The following FILIP1 variants were observed in gnomAD, a reference collection of about 807,000 sequenced individuals.
The protein encoded by FILIP1 is filamin A interacting protein 1, also known as filamin-A-interacting protein 1.
In FILIP1, 61 loss-of-function variants were observed where a neutral mutation model predicts 102.1. The observed-to-expected ratio is 0.60, with a 90% CI of 0.49 to 0.74. The LOEUF (loss-of-function observed/expected upper bound fraction) is 0.74, where lower values mean the gene tolerates loss of function less well. FILIP1 is among the 30% of genes least tolerant of loss of function. The pLI is 0.00. For synonymous variants in FILIP1, 491 were observed against 526.9 expected, an observed-to-expected ratio of 0.93 and a Z score of 0.93; for missense variants, 1,314 against 1,441.2, an observed-to-expected ratio of 0.91 and a Z score of 1.43.
chr6:75,479,784 G>A (rs570028272), intron 1 of FILIP1, among the ~76,000 whole-genome samples: 40 of 134,696 alleles, frequency 3.0e-4, no homozygotes, highest in Non-Finnish European at 2.6e-4. Context: ...CATGAGAATC[G>A]CTTGAATCCA....
At chr6:75,354,328 G>A (rs1047700633) in intron 3 of FILIP1, among the ~76,000 whole-genome samples, 5 of 152,084 alleles carry the variant, frequency 3.3e-5, no homozygotes, top group African/African-American at 4.8e-5. Context: ...ATCCCAGCAC[G>A]TGGGGAGGCT....
At chr6:75,367,203 A>T (rs1188230489) in intron 2 of FILIP1, 1 of 152,212 alleles carries the variant, frequency 6.6e-6, no homozygotes, top group Non-Finnish European at 1.5e-5. Context: ...ACATATACTA[A>T]ATATTTCATC....
rs1052507040 is a variant in FILIP1 at position 75,315,314 on chromosome 6, A to G, written c.630-112T>C. 51 of 653,052 alleles carry G rather than the reference A, an allele frequency of 7.8e-5. No homozygotes were observed. The African/African-American group carries it at 9.5e-4, about 12-fold the overall frequency. 40.5% of individuals were successfully genotyped at this position (653,052 alleles called of 1,614,324 possible). A position where few individuals can be genotyped will look rare whatever the true frequency, so the allele number is the denominator to read the frequency against. ...TACAATAAATCCCTTATCAATTGCT[A>G]TAATTTCAATGTTTAAAGAATAGCC... On this transcript the variant is annotated intron_variant, in intron 4 of 5. Coordinates refer to ENST00000237172, the MANE Select transcript of FILIP1 (RefSeq NM_015687.5).
At chr6:75,428,116 C>T (rs1476002457) in intron 1 of FILIP1, among the ~76,000 whole-genome samples, 1 of 152,158 alleles carries the variant, frequency 6.6e-6, no homozygotes, top group Non-Finnish European at 1.5e-5. Context: ...CCTCTTCCCT[C>T]TCAACATACT....
intron 2 of FILIP1, among the ~76,000 whole-genome samples, chr6:75,375,573 C>T (rs906166473): frequency 6.6e-6 from 1 of 152,084 alleles, no homozygotes; most frequent in Non-Finnish European, 1.5e-5. Flanking sequence ...TCTCACCAAG[C>T]GGGAGGGTGC....
At chr6:75,402,891 C>G (rs1335596781) in intron 2 of FILIP1, among the ~76,000 whole-genome samples, 2 of 152,074 alleles carry the variant, frequency 1.3e-5, no homozygotes, top group African/African-American at 4.8e-5. Context: ...AAATATTAAT[C>G]TTATGACTGT....
intron 2 of FILIP1, among the ~76,000 whole-genome samples, chr6:75,402,794 T>C (rs764194066): frequency 6.6e-6 from 1 of 152,176 alleles, no homozygotes; most frequent in Non-Finnish European, 1.5e-5. Flanking sequence ...ATTGTAAATA[T>C]TTATGACCAT....
chr6:75,335,484 T>C (rs1774211741), intron 4 of FILIP1, among the ~76,000 whole-genome samples: 1 of 116,722 alleles, frequency 8.6e-6, no homozygotes, highest in Non-Finnish European at 1.8e-5. Flanking sequence ...TTTTTTCCCA[T>C]TGTTTCTTCC....
intron 1 of FILIP1, among the ~76,000 whole-genome samples, chr6:75,425,767 T>C (rs1336462822): frequency 1.3e-5 from 2 of 152,188 alleles, no homozygotes; most frequent in East Asian, 3.8e-4. Flanking sequence ...TGTGTATGTA[T>C]GTGAAATCAT....
At chr6:75,380,214 A>AG (rs1382379251) in intron 2 of FILIP1, among the ~76,000 whole-genome samples, 1 of 151,764 alleles carries the variant, frequency 6.6e-6, no homozygotes, top group Non-Finnish European at 1.5e-5. Flanking sequence ...AGGCAAAAAA[A>AG]AAGAAAGGAA....
chr6:75,403,905 A>G (rs961536845), intron 2 of FILIP1, among the ~76,000 whole-genome samples: 10 of 152,272 alleles, frequency 6.6e-5, no homozygotes, highest in South Asian at 2.1e-4. Flanking sequence ...CTAGTCCCCA[A>G]TGCTCATATT....
chr6:75,375,614 A>G (rs564585327), intron 2 of FILIP1, among the ~76,000 whole-genome samples: 16 of 152,240 alleles, frequency 1.1e-4, no homozygotes, highest in Admixed American at 4.6e-4. Context: ...ATAGCTTTAT[A>G]AAGTCTTTGA....
chr6:75,379,778 TAGG>T (rs1775850563), intron 2 of FILIP1, among the ~76,000 whole-genome samples: 1 of 152,216 alleles, frequency 6.6e-6, no homozygotes, highest in Non-Finnish European at 1.5e-5. Context: ...CCATCTTCTT[TAGG>T]TCTTTATTTA....
intron 2 of FILIP1, among the ~76,000 whole-genome samples, chr6:75,397,709 C>T (rs919208254): frequency 3.3e-5 from 5 of 152,076 alleles, no homozygotes; most frequent in African/African-American, 1.2e-4. Flanking sequence ...TCAAGGATCA[C>T]TCACTTTCAT....
At chr6:75,309,809 T>C (rs911795971) in intron 5 of FILIP1, among the ~76,000 whole-genome samples, 2 of 152,230 alleles carry the variant, frequency 1.3e-5, no homozygotes, top group Non-Finnish European at 2.9e-5. Flanking sequence ...TCGTTATGAT[T>C]CTGTCTTCAC....
chr6:75,467,074 T>C (rs1314402842), intron 1 of FILIP1, among the ~76,000 whole-genome samples: 1 of 152,244 alleles, frequency 6.6e-6, no homozygotes, highest in Non-Finnish European at 1.5e-5. Context: ...TTTAGAATTA[T>C]TGTTGTCAAC....
rs1210491020 is a variant in FILIP1 at position 75,314,105 on chromosome 6, A to G, written c.1727T>C (p.Ile576Thr). The G allele has an allele frequency of 2.7e-6, 4 of 1,508,404 alleles. No homozygotes were observed. Among genetic ancestry groups the G allele is most frequent in the Non-Finnish European group, 3.5e-6 (4 of 1,137,322 alleles). The allele number at this position is 1,508,404 out of a possible 1,614,324, so 93.4% of individuals were successfully genotyped here. Residue 576 changes from isoleucine to threonine, a missense_variant, in exon 5 of 6, where the codon ATA becomes ACA. Ile to Thr is a moderately conservative substitution (Grantham distance 89, BLOSUM62 -1). Around this residue, in one of 3 missense-constraint regions of FILIP1, gnomAD observed 816 missense variants for 913.1 expected, o/e 0.89. Transcript: ENST00000237172. ...TTCTTCTTCACTTTTCAATTTGCCTATCAACTCATCTCTTTCTCTTGTCAA... is the reference window on the plus strand; with the variant it reads ...TTCTTCTTCACTTTTCAATTTGCCTGTCAACTCATCTCTTTCTCTTGTCAA... ...YNLTRERDEL[I>T]GKLKSEEEKS... is the part of the protein sequence containing the mutation.
intron 4 of FILIP1, among the ~76,000 whole-genome samples, chr6:75,332,042 T>A (rs992127222): frequency 1.3e-5 from 2 of 152,136 alleles, no homozygotes; most frequent in African/African-American, 4.8e-5. Flanking sequence ...TTGACTGTGC[T>A]GGCACCCTGA....
chr6:75,324,910 C>T (rs921605306), intron 4 of FILIP1, among the ~76,000 whole-genome samples: 1 of 152,214 alleles, frequency 6.6e-6, no homozygotes, highest in African/African-American at 2.4e-5. Context: ...ACTTGATCCT[C>T]ATCTCACCTT....
Sources: allele counts gnomAD v4.1 joint callset (sites outside exome capture counted in the v4.1 genomes callset), GRCh38; gene constraint gnomAD v4.1.1; regional missense constraint gnomAD v4.1.1; transcripts MANE v1.5; gene names NCBI Gene and HGNC (gene_info 2026-07-23, HGNC 2026-07-21).